DHODH: variants seen among roughly 807,000 people sequenced by gnomAD.
DHODH encodes the protein dihydroorotate dehydrogenase (quinone), also known as dihydroorotate dehydrogenase (quinone), mitochondrial.
Under a neutral mutation model 39.7 loss-of-function variants are expected in DHODH, and 30 were observed. The ratio of observed to expected loss-of-function variants is 0.76; its 90% CI spans 0.57 to 1.02. The LOEUF is 1.02. Among genes scored for constraint, DHODH ranks in the 50% least tolerant of loss-of-function variants. The probability of loss-of-function intolerance (pLI) is 0.00; values close to 1 mark genes in which losing one functional copy is unlikely to be tolerated. For missense variants in DHODH, 531 were observed against 520.8 expected (o/e 1.02, Z -0.19); for synonymous variants, 222 against 213.8 (o/e 1.04, Z -0.34).
At chr16:72,016,005 C>T in intron 3 of DHODH, 4 of 456,160 alleles carry the variant, frequency 8.8e-6, no homozygotes, top group Non-Finnish European at 1.2e-5. Flanking sequence ...CTTCTCATAA[C>T]AGGTGCAATG....
chr16:72,021,667 A>G (rs1339401635), intron 5 of DHODH, among the ~76,000 whole-genome samples: 2 of 152,210 alleles, frequency 1.3e-5, no homozygotes, highest in Non-Finnish European at 2.9e-5. Flanking sequence ...TTTTAGGAAT[A>G]AAAGTCTAAA....
chr16:72,017,589 T>C (rs2041155567), intron 4 of DHODH, among the ~76,000 whole-genome samples: 1 of 152,184 alleles, frequency 6.6e-6, no homozygotes, highest in East Asian at 1.9e-4. Flanking sequence ...AATATTAGCA[T>C]TTGGGAAAAT....
intron 1 of DHODH, among the ~76,000 whole-genome samples, chr16:72,010,390 TAAGG>T (rs2041069735): frequency 6.6e-6 from 1 of 152,224 alleles, no homozygotes; most frequent in South Asian, 2.1e-4. Flanking sequence ...GTCATTTCCT[TAAGG>T]AAGCCTTTCC....
intron 4 of DHODH, among the ~76,000 whole-genome samples, chr16:72,017,854 C>T (rs1567571813): frequency 6.7e-6 from 1 of 148,346 alleles, no homozygotes; most frequent in Admixed American, 6.8e-5. Flanking sequence ...TCACTGCAAG[C>T]TCTGCTTCCC....
Position 72,008,981 on chromosome 16 carries a change from C to T in DHODH, c.21+196C>T. 3 of 1,476,410 alleles carry T rather than the reference C, an allele frequency of 2.0e-6. No individual in the cohort carries two copies. In the East Asian group the frequency reaches 7.5e-5, roughly 37 times the overall value. 91.5% of individuals were successfully genotyped at this position (1,476,410 alleles called of 1,614,324 possible). On this transcript the variant is annotated intron_variant, in intron 1 of 8. Coordinates refer to ENST00000219240, the MANE Select transcript of DHODH (RefSeq NM_001361.5). ...GCACGTGGACTCGGTCAGGCGTGTG[C>T]AGACAGCGCCTGCAGGTCTGGGTGG...
Position 72,021,164 on chromosome 16 carries a change from C to G in DHODH, c.558C>G (p.Thr186=). The G allele has an allele frequency of 6.2e-7, 1 of 1,609,704 alleles. No homozygotes were observed. The highest frequency in any genetic ancestry group is 8.5e-7 in the Non-Finnish European group (1 of 1,178,086). ...PLGVNLGKNK[T]SVDAAEDYAE... ...GGGTCAACTTGGGGAAGAACAAGAC[C>G]TCAGTGGACGCCGCGGAGGACTACG... The change falls in exon 5 of 9, where the codon ACC becomes ACG. Residue 186 remains threonine (T), a synonymous_variant. Transcript: ENST00000219240.
rs565333133 is a variant in DHODH at position 72,022,403 on chromosome 16, G to A, written c.747G>A (p.Pro249=). The part of the protein sequence containing the change: ...ERDGLRRVHR[P]AVLVKIAPDL... ...ATGGCTTGCGGAGAGTGCACAGGCCGGCAGTCCTGGTGAAGATCGCTCCTG... is the reference window on the plus strand; with the variant it reads ...ATGGCTTGCGGAGAGTGCACAGGCCAGCAGTCCTGGTGAAGATCGCTCCTG... Residue 249 remains proline, a synonymous_variant, in exon 6 of 9, where the codon CCG becomes CCA. Transcript: ENST00000219240. 229 of 1,556,904 alleles carry A rather than the reference G, an allele frequency of 1.5e-4. 2 individuals carry two copies. The South Asian group carries it at 2.2e-3, about 15-fold the overall frequency.
chr16:72,022,471 A>C lies in DHODH; in HGVS notation c.815A>C (p.Lys272Thr), dbSNP rs2041231860. The change falls in exon 6 of 9, where the codon AAA becomes ACA. Residue 272 changes from lysine to threonine, a missense_variant. Coordinates refer to ENST00000219240, the MANE Select transcript of DHODH (RefSeq NM_001361.5). ...AAGGAGGACATTGCCAGTGTGGTCA[A>C]AGAGGTTTGAGTCGGGGCCTGGGCC... ...QDKEDIASVV[K>T]ELGIDGLIVT... 1 of 1,551,774 alleles carries C rather than the reference A, an allele frequency of 6.4e-7. No individual in the cohort carries two copies. Among genetic ancestry groups the C allele is most frequent in the African/African-American group, 1.4e-5 (1 of 73,280 alleles).
intron 4 of DHODH, 102 bp from the exon 5 acceptor site, chr16:72,021,022 A>C: frequency 8.2e-7 from 1 of 1,225,916 alleles, no homozygotes; most frequent in South Asian, 1.5e-5. Context: ...TTTGGAGGGA[A>C]GGCCTGCGCG....
rs370396458 is a variant in DHODH at position 72,015,595 on chromosome 16, T to C, written c.434+923T>C. ...GGAGACGGACCTGTAGGACATTTAC[T>C]TGGCCGTGCTTCCTGCTTTCTTGTG... On this transcript the variant is annotated intron_variant, in intron 3 of 8. Transcript: ENST00000219240. The C allele has an allele frequency of 4.0e-5, 30 of 747,714 alleles. No individual in the cohort carries two copies. In the African/African-American group the frequency reaches 5.3e-4, roughly 13 times the overall value. The allele number at this position is 747,714 out of a possible 1,614,324, so 46.3% of individuals were successfully genotyped here.
chr16:72,021,302 G>A lies in DHODH; in HGVS notation c.696G>A (p.Leu232=), dbSNP rs545513947. 5.0e-6 allele frequency: 8 copies of A among 1,605,458 alleles called. No homozygotes were observed. In the African/African-American group the frequency reaches 9.3e-5, roughly 19 times the overall value. ...SLQGKAELRR[L]LTKVLQERDG... is the part of the protein sequence containing the mutation. ...AGGGAAAGGCCGAGCTGCGCCGCCTGCTGACCAAGGTGGGCAGCTGCACCC... is the reference window on the plus strand; with the variant it reads ...AGGGAAAGGCCGAGCTGCGCCGCCTACTGACCAAGGTGGGCAGCTGCACCC... The change falls in exon 5 of 9, where the codon CTG becomes CTA. Residue 232 remains leucine, a synonymous_variant. Transcript: ENST00000219240.
In DHODH at chr16:72,023,337, G is replaced by A; in HGVS notation, c.973+19G>A. 1 of 1,614,150 alleles carries A rather than the reference G, an allele frequency of 6.2e-7. No homozygotes were observed. The highest frequency in any genetic ancestry group is 8.5e-7 in the Non-Finnish European group (1 of 1,180,040). On this transcript the variant is annotated intron_variant, in intron 7 of 8. Coordinates refer to ENST00000219240, the MANE Select transcript of DHODH (RefSeq NM_001361.5). ...ACCCAAGGCAAGGTTTCCCGTGTTT[G>A]TGTCTTCAGATCTGCGTGTGGCTTG... is the stretch of plus-strand genomic sequence containing the variant.
chr16:72,010,535 G>C (rs1476664183), intron 1 of DHODH, among the ~76,000 whole-genome samples: 2 of 152,206 alleles, frequency 1.3e-5, no homozygotes, highest in Non-Finnish European at 2.9e-5. Flanking sequence ...CTCTCCATGA[G>C]GGTAGGGGCA....
chr16:72,012,545 A>T (rs1250084414), intron 2 of DHODH, among the ~76,000 whole-genome samples: 1 of 152,244 alleles, frequency 6.6e-6, no homozygotes, highest in Admixed American at 6.5e-5. Flanking sequence ...AAACTGAGGA[A>T]CAGATTAGCA....
chr16:72,025,733 T>C lies in DHODH; in HGVS notation c.*1534T>C, dbSNP rs984937253. The C allele has an allele frequency of 6.6e-6, 1 of 152,332 alleles. No individual in the cohort carries two copies. Among genetic ancestry groups the C allele is most frequent in the African/African-American group, 2.4e-5 (1 of 41,440 alleles). 9.4% of individuals were successfully genotyped at this position (152,332 alleles called of 1,614,324 possible). A position where few individuals can be genotyped will look rare whatever the true frequency, so the allele number is the denominator to read the frequency against. On this transcript the variant is annotated 3_prime_UTR_variant, in exon 9 of 9. Transcript: ENST00000219240. ...CGTGGAGACAGCAACAGAGGGGACA[T>C]CCCCAGCTCCTCTGGCTCTGCCTGT...
intron 3 of DHODH, 78 bp downstream of exon 3, chr16:72,014,750 G>GT (rs1349803931): frequency 1.3e-4 from 188 of 1,401,372 alleles, no homozygotes; most frequent in Middle Eastern, 2.3e-4. Flanking sequence ...ATCTGCCTCT[G>GT]TTTTTTTTCT....
chr16:72,010,813 G>C (rs1488082772), intron 1 of DHODH, among the ~76,000 whole-genome samples: 1 of 152,116 alleles, frequency 6.6e-6, no homozygotes, highest in South Asian at 2.1e-4. Context: ...ACTGCAGCCT[G>C]GACCTCCTGG....
intron 1 of DHODH, among the ~76,000 whole-genome samples, chr16:72,011,596 A>G (rs1195972440): frequency 6.6e-6 from 1 of 152,192 alleles, no homozygotes; most frequent in African/African-American, 2.4e-5. Context: ...ATGTGGTAAA[A>G]TATAGTTTGG....
chr16:72,024,026 G>C, intron 8 of DHODH, 119 bp from the exon 9 acceptor site: 1 of 1,042,668 alleles, frequency 9.6e-7, no homozygotes, highest in Non-Finnish European at 1.5e-6. Context: ...GAAGAGTGTA[G>C]AGGAAACCAG....
Sources: gnomAD v4.1 joint callset for allele counts (sites outside exome capture counted in the v4.1 genomes callset) on GRCh38, gnomAD v4.1.1 for gene constraint, MANE v1.5 for transcripts, NCBI Gene and HGNC (gene_info 2026-07-23, HGNC 2026-07-21) for gene names.